NAA11: variants seen among roughly 807,000 people sequenced by gnomAD.
NAA11 encodes N-alpha-acetyltransferase 11.
Under a neutral mutation model 16.1 loss-of-function variants are expected in NAA11, and 15 were observed. That is an observed-to-expected ratio of 0.93 (90% CI 0.62 to 1.44). The LOEUF (loss-of-function observed/expected upper bound fraction) is 1.44. NAA11 is among the 40% of genes most tolerant of loss of function. The pLI is 0.00. For missense variants in NAA11, 298 were observed against 291.3 expected, an observed-to-expected ratio of 1.02 and a Z score of -0.17; for synonymous variants, 122 against 112.4, an observed-to-expected ratio of 1.09 and a Z score of -0.54.
intron 2 of NAA11, among the ~76,000 whole-genome samples, chr4:79,270,737 C>A (rs375941076): frequency 1.3e-5 from 1 of 76,926 alleles, no homozygotes; most frequent in African/African-American, 8.1e-5. Flanking sequence ...TGCAAATCAA[C>A]AAATGTAATC....
the NAA11 span, among the ~76,000 whole-genome samples, chr4:79,156,325 G>GT: frequency 2.5e-5 from 1 of 39,802 alleles, no homozygotes; most frequent in Non-Finnish European, 4.4e-5. Context: ...GTGTGTGTGT[G>GT]TGTGTATATA....
chr4:79,218,621 A>G, the NAA11 span, among the ~76,000 whole-genome samples: 1 of 152,030 alleles, frequency 6.6e-6, no homozygotes. Context: ...CCATAGTTCA[A>G]TTTTTTGGAG....
chr4:79,177,425 A>C, the NAA11 span, among the ~76,000 whole-genome samples: 4 of 151,694 alleles, frequency 2.6e-5, no homozygotes, highest in South Asian at 4.2e-4. Context: ...AACCATAAAC[A>C]TGGAAAGAAA....
the NAA11 span, among the ~76,000 whole-genome samples, chr4:79,179,873 G>A: frequency 6.6e-6 from 1 of 152,198 alleles, no homozygotes; most frequent in Admixed American, 6.6e-5. Flanking sequence ...GGCTGGAGAG[G>A]CCTCAGGAAA....
chr4:79,324,373 C>T (rs912619681), intron 1 of NAA11, among the ~76,000 whole-genome samples: 2 of 152,170 alleles, frequency 1.3e-5, no homozygotes, highest in Non-Finnish European at 2.9e-5. Context: ...ATGTCTTATA[C>T]ATGGTTTGTT....
chr4:79,252,101 C>T lies in NAA11; in HGVS notation c.*123-25831G>A, dbSNP rs115483500. 3.8e-3 allele frequency among the ~76,000 whole-genome samples: 584 copies of T among 152,272 alleles called. 1 individual carries two copies. The highest frequency in any genetic ancestry group is 0.014 in the African/African-American group (564 of 41,546). ...AACTCATAAACAAAGTCAAATATTG[C>T]ATGTTCTCACTTATAACTGGAAGCT... On this transcript the variant is annotated intron_variant and NMD_transcript_variant, in intron 2 of 2. Coordinates refer to the NAA11 transcript ENST00000511542.
downstream of NAA11, among the ~76,000 whole-genome samples, chr4:79,314,581 G>A (rs761844945): frequency 6.1e-5 from 9 of 146,436 alleles, no homozygotes; most frequent in African/African-American, 1.6e-4. Context: ...TCTTATCCCC[G>A]GATGGAAAAT....
the NAA11 span, among the ~76,000 whole-genome samples, chr4:79,178,549 G>A: frequency 6.6e-6 from 1 of 152,176 alleles, no homozygotes; most frequent in Non-Finnish European, 1.5e-5. Context: ...AATATTTATT[G>A]ATGGCTTACT....
intron 1 of NAA11, among the ~76,000 whole-genome samples, chr4:79,298,555 G>T (rs72664041): frequency 0.031 from 4,684 of 152,342 alleles, 87 homozygotes; most frequent in Non-Finnish European, 0.047. Context: ...TAGCCTTGCA[G>T]AGAGCCAGCC....
At chr4:79,308,220 G>A (rs561966512) in intron 1 of NAA11, 6 of 152,180 alleles carry the variant, frequency 3.9e-5, no homozygotes, top group African/African-American at 9.7e-5. Context: ...AGATCATTCC[G>A]AGAGGAGGTA....
At chr4:79,187,968 C>A in the NAA11 span, among the ~76,000 whole-genome samples, 1 of 131,390 alleles carries the variant, frequency 7.6e-6, no homozygotes, top group Non-Finnish European at 1.5e-5. Context: ...CACTGCACTC[C>A]AGCCTGGGCG....
At chr4:79,284,981 C>A (rs1200171714) in intron 2 of NAA11, among the ~76,000 whole-genome samples, 1 of 151,346 alleles carries the variant, frequency 6.6e-6, no homozygotes, top group South Asian at 2.1e-4. Flanking sequence ...TAATTTAGCA[C>A]ATTTTTTGAA....
At chr4:79,323,654 A>C (rs1183831603) in intron 1 of NAA11, among the ~76,000 whole-genome samples, 1 of 152,154 alleles carries the variant, frequency 6.6e-6, no homozygotes, top group African/African-American at 2.4e-5. Flanking sequence ...CCCCGTCTCT[A>C]CTAAAAATAC....
chr4:79,295,037 CAATA>C (rs1297406615), intron 1 of NAA11, among the ~76,000 whole-genome samples: 5 of 152,166 alleles, frequency 3.3e-5, no homozygotes, highest in Non-Finnish European at 5.9e-5. Flanking sequence ...ATTTTTGAAA[CAATA>C]AAGAGTCTCA....
At chr4:79,176,932 T>TC in the NAA11 span, among the ~76,000 whole-genome samples, 1 of 152,136 alleles carries the variant, frequency 6.6e-6, no homozygotes, top group Non-Finnish European at 1.5e-5. Context: ...CCCTCAGGTG[T>TC]CATACCTGGT....
chr4:79,265,092 C>T (rs1338100281), intron 2 of NAA11, among the ~76,000 whole-genome samples: 1 of 152,194 alleles, frequency 6.6e-6, no homozygotes, highest in Non-Finnish European at 1.5e-5. Flanking sequence ...ATCCCATCCT[C>T]CCAGTTGGTC....
chr4:79,195,703 T>G, the NAA11 span: 1 of 152,138 alleles, frequency 6.6e-6, no homozygotes, highest in African/African-American at 2.4e-5. Flanking sequence ...AATTCCCATT[T>G]GTCCTGGGAG....
intron 1 of NAA11, 34 bp downstream of exon 1, chr4:79,325,142 A>C (rs1358249433): frequency 2.0e-6 from 3 of 1,510,986 alleles, no homozygotes; most frequent in Non-Finnish European, 2.7e-6. Context: ...GGGATTTAGG[A>C]GAAGGGGGTA....
At chr4:79,297,224 AC>A in intron 1 of NAA11, among the ~76,000 whole-genome samples, 1 of 152,174 alleles carries the variant, frequency 6.6e-6, no homozygotes, top group East Asian at 1.9e-4. Context: ...GCTGGCAGGA[AC>A]TAGGGACAAG....
Sources: gnomAD v4.1 joint callset for allele counts (sites outside exome capture counted in the v4.1 genomes callset) on GRCh38, gnomAD v4.1.1 for gene constraint, MANE v1.5 for transcripts, NCBI Gene and HGNC (gene_info 2026-07-23, HGNC 2026-07-21) for gene names.